The following NAALADL2 variants were observed in gnomAD, a reference collection of about 807,000 sequenced individuals.
NAALADL2 encodes N-acetylated alpha-linked acidic dipeptidase like 2.
Under a neutral mutation model 87.2 loss-of-function variants are expected in NAALADL2, and 76 were observed. The ratio of observed to expected loss-of-function variants is 0.87; its 90% CI spans 0.72 to 1.05. The LOEUF (loss-of-function observed/expected upper bound fraction) is 1.05. Among genes scored for constraint, NAALADL2 ranks in the 50% least tolerant of loss-of-function variants. NAALADL2 has a pLI of 0.00. For synonymous variants in NAALADL2, 354 were observed against 331.0 expected, an observed-to-expected ratio of 1.07 and a Z score of -0.75; for missense variants, 1,089 against 945.8, an observed-to-expected ratio of 1.15 and a Z score of -1.99.
At chr3:175,333,830 T>G (rs1252015705) in intron 5 of NAALADL2, among the ~76,000 whole-genome samples, 2 of 152,176 alleles carry the variant, frequency 1.3e-5, no homozygotes, top group Non-Finnish European at 2.9e-5. Context: ...AAAAGAGGAC[T>G]TGAAATGTTC....
chr3:175,393,280 C>CAAAAAAAAAAAAAAAAAA (rs775778803), intron 5 of NAALADL2, among the ~76,000 whole-genome samples: 1 of 29,520 alleles, frequency 3.4e-5, no homozygotes. Context: ...GACTCCGTCT[C>CAAAAAAAAAAAAAAAAAA]AAAAAAAAAA....
chr3:175,026,253 A>G (rs2034750224), intron 1 of NAALADL2, among the ~76,000 whole-genome samples: 1 of 152,046 alleles, frequency 6.6e-6, no homozygotes, highest in Admixed American at 6.6e-5. Flanking sequence ...GTCTAGGCAT[A>G]TTTTCGTGTA....
intron 4 of NAALADL2, among the ~76,000 whole-genome samples, chr3:175,314,686 A>ATATATATATAGTTCTAAC (rs1758858156): frequency 1.3e-4 from 4 of 31,436 alleles, no homozygotes; most frequent in African/African-American, 9.2e-4. Context: ...ATATATATAT[A>ATATATATATAGTTCTAAC]TATATATATA....
chr3:174,928,930 G>A (rs914957323), intron 1 of NAALADL2, among the ~76,000 whole-genome samples: 1 of 152,038 alleles, frequency 6.6e-6, no homozygotes, highest in African/African-American at 2.4e-5. Flanking sequence ...AGAGTCACTT[G>A]CCCATATAGA....
rs113964245 is a variant in NAALADL2 at position 174,547,454 on chromosome 3, A to T, written c.-183-3115A>T. On this transcript the variant is annotated intron_variant, in intron 1 of 3. Transcript: ENST00000434257. ...TTAATTTATAGCTACTTGTGGCAAT[A>T]GCAAGAAGTTTCAAGAGATGAAGGT... Among the ~76,000 whole-genome samples the T allele has an allele frequency of 2.1e-3, 322 of 152,294 alleles. 3 individuals are homozygous for T. Among genetic ancestry groups the T allele is most frequent in the African/African-American group, 7.6e-3 (316 of 41,568 alleles).
At chr3:174,771,185 A>G (rs1714506843) in intron 3 of NAALADL2, among the ~76,000 whole-genome samples, 1 of 152,200 alleles carries the variant, frequency 6.6e-6, no homozygotes, top group South Asian at 2.1e-4. Context: ...TATCAAGGAT[A>G]TAGATTAGAG....
At chr3:174,494,829 G>A (rs571164713) in intron 1 of NAALADL2, among the ~76,000 whole-genome samples, 153 of 152,234 alleles carry the variant, frequency 1.0e-3, no homozygotes, top group African/African-American at 3.5e-3. Context: ...TTTTAATGCT[G>A]CTAATCACAA....
chr3:174,504,005 A>G (rs1578041171), intron 1 of NAALADL2, among the ~76,000 whole-genome samples: 1 of 152,242 alleles, frequency 6.6e-6, no homozygotes, highest in Non-Finnish European at 1.5e-5. Flanking sequence ...TCATTTTTGC[A>G]TATTATTCTA....
intron 10 of NAALADL2, among the ~76,000 whole-genome samples, chr3:175,606,941 G>A (rs1017495279): frequency 6.6e-6 from 1 of 152,088 alleles, no homozygotes; most frequent in Non-Finnish European, 1.5e-5. Context: ...ACAAGCAATT[G>A]AGTTGCTTGT....
intron 5 of NAALADL2, among the ~76,000 whole-genome samples, chr3:175,421,071 C>A (rs1476986518): frequency 6.6e-6 from 1 of 151,762 alleles, no homozygotes; most frequent in Non-Finnish European, 1.5e-5. Context: ...TTTAGTTATT[C>A]TCTAAGTTTT....
chr3:175,583,018 G>A (rs556816728), intron 10 of NAALADL2, among the ~76,000 whole-genome samples: 1 of 144,764 alleles, frequency 6.9e-6, no homozygotes, highest in Admixed American at 6.8e-5. Flanking sequence ...TGGGGTTACA[G>A]CCCAATAAAC....
intron 12 of NAALADL2, among the ~76,000 whole-genome samples, chr3:175,746,307 C>T (rs1583092093): frequency 7.8e-6 from 1 of 127,690 alleles, no homozygotes; most frequent in Non-Finnish European, 1.6e-5. Flanking sequence ...TTAGGTGTCA[C>T]TTGGTTTGTT....
chr3:175,490,659 T>C (rs1014635049), intron 9 of NAALADL2, among the ~76,000 whole-genome samples: 3 of 151,294 alleles, frequency 2.0e-5, no homozygotes, highest in Non-Finnish European at 4.4e-5. Context: ...CCTCCCAAAG[T>C]GCTGGGATTA....
At chr3:175,079,452 G>T (rs1717305166) in intron 1 of NAALADL2, 1 of 152,006 alleles carries the variant, frequency 6.6e-6, no homozygotes, top group African/African-American at 2.4e-5. Flanking sequence ...CATCTTTTTT[G>T]TTGTTGTTGC....
intron 2 of NAALADL2, among the ~76,000 whole-genome samples, chr3:175,133,533 A>G (rs890188431): frequency 6.6e-6 from 1 of 152,210 alleles, no homozygotes; most frequent in Non-Finnish European, 1.5e-5. Flanking sequence ...CAGCCCGGTC[A>G]ACACAGCGAA....
intron 2 of NAALADL2, among the ~76,000 whole-genome samples, chr3:174,715,104 A>G (rs74911423): frequency 6.6e-6 from 1 of 152,186 alleles, no homozygotes; most frequent in East Asian, 1.9e-4. Context: ...CTTATTAGTC[A>G]ATCGGCTTTT....
chr3:174,596,357 T>TTA (rs1717906008), intron 2 of NAALADL2, among the ~76,000 whole-genome samples: 1 of 152,150 alleles, frequency 6.6e-6, no homozygotes, highest in South Asian at 2.1e-4. Flanking sequence ...TCACCCAATT[T>TTA]TATATATATT....
At position 175,299,956 on chromosome 3, in the gene NAALADL2, G is replaced by A. The variant is rs114178141; in HGVS notation, c.940-24219G>A. 6.6e-3 allele frequency among the ~76,000 whole-genome samples: 1,009 copies of A among 152,186 alleles called. 17 individuals are homozygous for A. Among genetic ancestry groups the A allele is most frequent in the African/African-American group, 0.023 (962 of 41,516 alleles). The stretch of plus-strand genomic sequence containing the variant: ...AATAGCTTTTATTATTTTGAGATAT[G>A]GTCCATCAATACATAGTTTAATGAG... On this transcript the variant is annotated intron_variant, in intron 4 of 13. Transcript: ENST00000454872.
intron 1 of NAALADL2, among the ~76,000 whole-genome samples, chr3:174,468,268 C>G (rs1716656656): frequency 6.6e-6 from 1 of 152,006 alleles, no homozygotes; most frequent in South Asian, 2.1e-4. Context: ...AATAAGGGGT[C>G]AGATTGTTAT....
Sources: allele counts gnomAD v4.1 joint callset (sites outside exome capture counted in the v4.1 genomes callset), GRCh38; gene constraint gnomAD v4.1.1; transcripts MANE v1.5; gene names NCBI Gene and HGNC (gene_info 2026-07-23, HGNC 2026-07-21).